The following HS3ST4 variants were observed in gnomAD, a reference collection of about 807,000 sequenced individuals.
The protein encoded by HS3ST4 is heparan sulfate-glucosamine 3-sulfotransferase 4.
Under a neutral mutation model 29.2 loss-of-function variants are expected in HS3ST4, and 17 were observed. The ratio of observed to expected loss-of-function variants is 0.58; its 90% CI spans 0.40 to 0.87. The LOEUF is 0.87. HS3ST4 is among the 40% of genes least tolerant of loss of function. The pLI is 0.00. For synonymous variants in HS3ST4, 314 were observed against 285.7 expected (o/e 1.10, Z -1.00); for missense variants, 627 against 634.5 (o/e 0.99, Z 0.13).
At chr16:25,910,788 T>C (rs1968230782) in intron 1 of HS3ST4, among the ~76,000 whole-genome samples, 1 of 152,154 alleles carries the variant, frequency 6.6e-6, no homozygotes, top group East Asian at 1.9e-4. Flanking sequence ...CAGGTTGTCA[T>C]TCTCCATCCT....
At chr16:26,016,030 C>A in intron 1 of HS3ST4, among the ~76,000 whole-genome samples, 1 of 152,148 alleles carries the variant, frequency 6.6e-6, no homozygotes, top group Admixed American at 6.5e-5. Context: ...CTTCCTCCAA[C>A]AGCAAAGAGA....
intron 1 of HS3ST4, among the ~76,000 whole-genome samples, chr16:26,083,344 T>C (rs956768115): frequency 6.6e-6 from 1 of 152,248 alleles, no homozygotes; most frequent in East Asian, 1.9e-4. Flanking sequence ...ATTTGAGTAT[T>C]TCTGTAGCTA....
chr16:26,101,209 C>T (rs1282502201), intron 1 of HS3ST4, among the ~76,000 whole-genome samples: 2 of 144,994 alleles, frequency 1.4e-5, no homozygotes, highest in East Asian at 2.0e-4. Context: ...TGCCCTCCAT[C>T]TCCAATCCAT....
intron 1 of HS3ST4, among the ~76,000 whole-genome samples, chr16:26,113,971 C>A (rs1311311117): frequency 6.6e-6 from 1 of 152,126 alleles, no homozygotes; most frequent in East Asian, 1.9e-4. Flanking sequence ...TGTATGTATT[C>A]CAGGGAAGCT....
intron 1 of HS3ST4, among the ~76,000 whole-genome samples, chr16:25,901,605 C>T (rs950870327): frequency 1.1e-4 from 17 of 152,120 alleles, no homozygotes; most frequent in African/African-American, 4.1e-4. Context: ...ACCCAGGAGG[C>T]AGAGGTTGCA....
At chr16:25,995,967 G>A (rs1459063302) in intron 1 of HS3ST4, among the ~76,000 whole-genome samples, 1 of 147,732 alleles carries the variant, frequency 6.8e-6, no homozygotes, top group Non-Finnish European at 1.5e-5. Context: ...TTGCTAAGAA[G>A]TACATTTGCT....
intron 1 of HS3ST4, among the ~76,000 whole-genome samples, chr16:26,093,276 A>G (rs1200901424): frequency 2.0e-5 from 3 of 152,152 alleles, no homozygotes; most frequent in African/African-American, 7.2e-5. Context: ...GAACGGACAG[A>G]CTGCCTCCTC....
chr16:25,733,830 C>G (rs1003335971), intron 1 of HS3ST4, among the ~76,000 whole-genome samples: 2 of 152,124 alleles, frequency 1.3e-5, no homozygotes, highest in South Asian at 2.1e-4. Context: ...CTCAAAGACA[C>G]ATTGGGTGCC....
intron 1 of HS3ST4, among the ~76,000 whole-genome samples, chr16:25,768,956 A>G (rs2141610065): frequency 6.6e-6 from 1 of 152,144 alleles, no homozygotes; most frequent in African/African-American, 2.4e-5. Context: ...AGTCCCCACC[A>G]TTCCCTGTTG....
chr16:25,898,398 A>G (rs1252887811), intron 1 of HS3ST4, among the ~76,000 whole-genome samples: 3 of 152,220 alleles, frequency 2.0e-5, no homozygotes, highest in Non-Finnish European at 2.9e-5. Context: ...TTCTGCAGAA[A>G]TATGACTGCC....
chr16:25,851,340 G>A (rs1246078681), intron 1 of HS3ST4, among the ~76,000 whole-genome samples: 1 of 152,154 alleles, frequency 6.6e-6, no homozygotes, highest in African/African-American at 2.4e-5. Flanking sequence ...ACTGTTTCCA[G>A]TCGTTCCCAT....
At chr16:25,976,221 C>T (rs1439773964) in intron 1 of HS3ST4, among the ~76,000 whole-genome samples, 1 of 152,164 alleles carries the variant, frequency 6.6e-6, no homozygotes, top group East Asian at 1.9e-4. Flanking sequence ...TTACAAGTGT[C>T]TCATATTCCT....
At chr16:25,788,583 C>A (rs368541884) in intron 1 of HS3ST4, among the ~76,000 whole-genome samples, 2 of 138,618 alleles carry the variant, frequency 1.4e-5, no homozygotes, top group Non-Finnish European at 1.5e-5. Context: ...GTCTGTTGCC[C>A]GGGCTGGAGT....
At chr16:25,949,597 C>T (rs1968663637) in intron 1 of HS3ST4, among the ~76,000 whole-genome samples, 1 of 152,110 alleles carries the variant, frequency 6.6e-6, no homozygotes, top group Non-Finnish European at 1.5e-5. Flanking sequence ...TAGAATTAGG[C>T]TCTATTATGG....
intron 1 of HS3ST4, among the ~76,000 whole-genome samples, chr16:26,111,089 G>T (rs1899122552): frequency 6.6e-6 from 1 of 152,030 alleles, no homozygotes; most frequent in South Asian, 2.1e-4. Context: ...TTGAGACAGG[G>T]TCTTGCTCTG....
intron 1 of HS3ST4, among the ~76,000 whole-genome samples, chr16:25,835,043 G>A (rs1469273704): frequency 1.3e-5 from 2 of 152,104 alleles, no homozygotes; most frequent in African/African-American, 4.8e-5. Context: ...AAGGAATGTG[G>A]TAGAAACTAC....
chr16:26,019,444 G>A (rs969934046), intron 1 of HS3ST4, among the ~76,000 whole-genome samples: 1 of 152,008 alleles, frequency 6.6e-6, no homozygotes, highest in East Asian at 1.9e-4. Flanking sequence ...CTTTATTATT[G>A]CTTTATGGTA....
intron 1 of HS3ST4, among the ~76,000 whole-genome samples, chr16:25,975,410 A>G (rs1596632402): frequency 6.6e-6 from 1 of 152,104 alleles, no homozygotes; most frequent in Admixed American, 6.6e-5. Flanking sequence ...CAATATACCC[A>G]TATATTCGGC....
chr16:25,895,309 C>T (rs544080256), intron 1 of HS3ST4, among the ~76,000 whole-genome samples: 6 of 152,172 alleles, frequency 3.9e-5, no homozygotes, highest in African/African-American at 1.2e-4. Context: ...AAAGCTTGCT[C>T]GGTAGACAAG....
Sources: allele counts gnomAD v4.1 joint callset (sites outside exome capture counted in the v4.1 genomes callset), GRCh38; gene constraint gnomAD v4.1.1; transcripts MANE v1.5; gene names NCBI Gene and HGNC (gene_info 2026-07-23, HGNC 2026-07-21).